The following UNC80 variants were observed in gnomAD, a reference collection of about 807,000 sequenced individuals.
The protein encoded by UNC80 is protein unc-80 homolog.
Under a neutral mutation model 384.6 loss-of-function variants are expected in UNC80, and 164 were observed. The ratio of observed to expected loss-of-function variants is 0.43; its 90% CI spans 0.38 to 0.49. UNC80 has a LOEUF of 0.49. Among genes scored for constraint, UNC80 ranks in the 20% least tolerant of loss-of-function variants. UNC80 has a pLI of 0.00. For missense variants in UNC80, 3,330 were observed against 4,143.0 expected (o/e 0.80, Z 5.39); for synonymous variants, 1,486 against 1,527.8 (o/e 0.97, Z 0.64).
intron 29 of UNC80, among the ~76,000 whole-genome samples, chr2:209,906,561 A>G (rs1224433678): frequency 6.6e-6 from 1 of 152,130 alleles, no homozygotes; most frequent in Admixed American, 6.5e-5. Context: ...TAATGTATTT[A>G]GCTAGACTTT....
rs1467020936 is a variant in UNC80, at chr2:209,806,353, AAC to A, written c.939-7225_939-7224del. Among the ~76,000 whole-genome samples the A allele has an allele frequency of 5.9e-5, 9 of 152,326 alleles. No homozygotes were observed. The East Asian group carries it at 9.6e-4, about 16-fold the overall frequency. On this transcript the variant is annotated intron_variant, in intron 7 of 64. Coordinates refer to ENST00000673920, the MANE Select transcript of UNC80 (RefSeq NM_001371986.1). ...ATAATGTTCAAGACTACTATTTGTG[AAC>A]AGATATTTTTTTCTTATTCTCTGAT... is the stretch of plus-strand genomic sequence containing the variant.
intron 22 of UNC80, among the ~76,000 whole-genome samples, chr2:209,852,648 C>T (rs2082613808): frequency 6.6e-6 from 1 of 152,036 alleles, no homozygotes; most frequent in Admixed American, 6.6e-5. Flanking sequence ...GTCGTACGTG[C>T]TTGAATCAAA....
At chr2:209,943,911 A>G (rs545523259) in intron 45 of UNC80, among the ~76,000 whole-genome samples, 24 of 152,172 alleles carry the variant, frequency 1.6e-4, no homozygotes, top group Non-Finnish European at 3.4e-4. Context: ...CACTGGAGGT[A>G]GTGGCCTGAC....
Position 209,967,419 on chromosome 2 carries a change from CAT to C in UNC80, c.7806-7_7806-6del, listed in dbSNP as rs752949976. On this transcript the variant is annotated splice_polypyrimidine_tract_variant and intron_variant, in intron 51 of 64. Coordinates refer to ENST00000673920, the MANE Select transcript of UNC80 (RefSeq NM_001371986.1). Reference sequence around the variant, plus strand: ...AAGCTTATACTTTAAAATATATATACATATATATATATTTTAGGTTGGCAGAA... The same window carrying C: ...AAGCTTATACTTTAAAATATATATACATATATATATTTTAGGTTGGCAGAA... 23 of 1,477,954 alleles carry C rather than the reference CAT, an allele frequency of 1.6e-5. No homozygotes were observed. Among genetic ancestry groups the C allele is most frequent in the Middle Eastern group, 2.1e-4 (1 of 4,870 alleles). The allele number at this position is 1,477,954 out of a possible 1,614,324, so 91.6% of individuals were successfully genotyped here. A position where few individuals can be genotyped will look rare whatever the true frequency, so the allele number is the denominator to read the frequency against.
At chr2:209,972,030 G>T (rs2092901007) in intron 54 of UNC80, among the ~76,000 whole-genome samples, 171 bp from the exon 55 acceptor site, 2 of 152,126 alleles carry the variant, frequency 1.3e-5, no homozygotes, top group Admixed American at 1.3e-4. Flanking sequence ...TCAAGACAAT[G>T]GTAAAGTATC....
chr2:209,788,529 A>T (rs1007171538), intron 5 of UNC80, among the ~76,000 whole-genome samples: 4 of 148,220 alleles, frequency 2.7e-5, no homozygotes, highest in Admixed American at 6.7e-5. Context: ...TACATACTAC[A>T]TACTAGTATA....
In UNC80 at chr2:209,813,856, G is replaced by T. The variant is rs781748328; in HGVS notation, c.1200+15G>T. 4.5e-6 allele frequency: 7 copies of T among 1,547,056 alleles called. No homozygotes were observed. Among genetic ancestry groups the T allele is most frequent in the Non-Finnish European group, 6.1e-6 (7 of 1,144,480 alleles). On this transcript the variant is annotated intron_variant, in intron 8 of 64. Transcript: ENST00000673920. ...ACAAAACCCAAGTAAGAAAAACCCG[G>T]TTCATTGTCATTCAAACCAGCAACT...
intron 44 of UNC80, among the ~76,000 whole-genome samples, chr2:209,942,359 G>T (rs1378109668): frequency 6.6e-6 from 1 of 152,214 alleles, no homozygotes; most frequent in Non-Finnish European, 1.5e-5. Flanking sequence ...TGTATGGCAA[G>T]TGTTTAGCTG....
chr2:209,944,358 A>G (rs944168077), intron 45 of UNC80, among the ~76,000 whole-genome samples: 2 of 152,078 alleles, frequency 1.3e-5, no homozygotes, highest in Admixed American at 1.3e-4. Flanking sequence ...TGTTATATCT[A>G]TTTGTTTCAT....
At chr2:209,858,482 C>T (rs189013352) in intron 22 of UNC80, among the ~76,000 whole-genome samples, 60 of 152,010 alleles carry the variant, frequency 3.9e-4, no homozygotes, top group African/African-American at 1.2e-3. Context: ...CCAAGGTGGG[C>T]GGATCACTTG....
At chr2:209,790,302 C>T (rs1367503651) in intron 6 of UNC80, among the ~76,000 whole-genome samples, 2 of 152,096 alleles carry the variant, frequency 1.3e-5, no homozygotes, top group Non-Finnish European at 2.9e-5. Flanking sequence ...AACTTGCTGC[C>T]TTCCGTCAAA....
chr2:209,847,914 AC>A (rs905556517), intron 21 of UNC80, among the ~76,000 whole-genome samples: 7 of 152,054 alleles, frequency 4.6e-5, no homozygotes, highest in African/African-American at 1.4e-4. Context: ...AACTGGATTC[AC>A]AAAAAAGAAA....
At chr2:209,819,363 T>C (rs768660872) in intron 12 of UNC80, 102 bp downstream of exon 12, 46 of 1,270,304 alleles carry the variant, frequency 3.6e-5, no homozygotes, top group Non-Finnish European at 4.6e-5. Context: ...CTTAGAAATA[T>C]CAAACCTTGA....
rs563549722 is a variant in UNC80 at position 209,813,512 on chromosome 2, GC to G, written c.939-66del. ...ACAAATGAGAAAAGTAGAGCTATAA[GC>G]CATGCTGTGCTGCCCCTCTGAAAGC... On this transcript the variant is annotated intron_variant, in intron 7 of 64. Transcript: ENST00000673920. The G allele has an allele frequency of 1.3e-4, 189 of 1,462,168 alleles. No homozygotes were observed. In the South Asian group the frequency reaches 2.3e-3, roughly 18 times the overall value. 90.6% of individuals were successfully genotyped at this position (1,462,168 alleles called of 1,614,324 possible).
intron 28 of UNC80, among the ~76,000 whole-genome samples, chr2:209,903,504 G>T (rs1232244434): frequency 2.0e-5 from 2 of 101,480 alleles, no homozygotes; most frequent in Admixed American, 1.6e-4. Context: ...ATTATATATA[G>T]TATATATGTA....
intron 6 of UNC80, among the ~76,000 whole-genome samples, chr2:209,790,095 C>A (rs1258947233): frequency 6.6e-6 from 1 of 152,042 alleles, no homozygotes; most frequent in Non-Finnish European, 1.5e-5. Context: ...GGGGTCAAGA[C>A]TAACCCACAT....
chr2:209,968,179 A>T (rs1384795295), intron 52 of UNC80: 1 of 152,322 alleles, frequency 6.6e-6, no homozygotes, highest in Non-Finnish European at 1.5e-5. Context: ...TTAATGCTTG[A>T]TCTTTGTTCA....
At chr2:209,919,498 T>A in intron 33 of UNC80, among the ~76,000 whole-genome samples, 1 of 152,348 alleles carries the variant, frequency 6.6e-6, no homozygotes, top group East Asian at 1.9e-4. Context: ...AAGTATCTTA[T>A]TAACTAGTGT....
chr2:209,804,538 TTGTGGGTTCAC>T (rs1270972618), intron 7 of UNC80, among the ~76,000 whole-genome samples: 4 of 152,142 alleles, frequency 2.6e-5, no homozygotes, highest in Non-Finnish European at 5.9e-5. Context: ...TTTTAAAACT[TTGTGGGTTCAC>T]TGTGAATCTT....
Sources: gnomAD v4.1 joint callset for allele counts (sites outside exome capture counted in the v4.1 genomes callset) on GRCh38, gnomAD v4.1.1 for gene constraint, MANE v1.5 for transcripts, NCBI Gene and HGNC (gene_info 2026-07-23, HGNC 2026-07-21) for gene names.